Variants in LTBP3 observed in about 807,000 individuals in gnomAD.
LTBP3 encodes latent-transforming growth factor beta-binding protein 3.
In LTBP3, 97 loss-of-function variants were observed where a neutral mutation model predicts 159.7. That is an observed-to-expected ratio of 0.61 (90% CI 0.52 to 0.72). The LOEUF (loss-of-function observed/expected upper bound fraction) is 0.72. Among genes scored for constraint, LTBP3 ranks in the 30% least tolerant of loss-of-function variants. LTBP3 has a pLI of 0.00. For synonymous variants in LTBP3, 824 were observed against 777.1 expected (o/e 1.06, Z -1.00); for missense variants, 1,584 against 1,864.3 (o/e 0.85, Z 2.77).
In LTBP3 at chr11:65,554,283, G is replaced by T; in HGVS notation, c.429C>A (p.Pro143=). 1 of 1,611,146 alleles carries T rather than the reference G, an allele frequency of 6.2e-7. No individual in the cohort carries two copies. The highest frequency in any genetic ancestry group is 1.1e-5 in the South Asian group (1 of 90,952). Residue 143 remains proline, a synonymous_variant, in exon 2 of 28, where the codon CCC becomes CCA. Coordinates refer to ENST00000301873, the MANE Select transcript of LTBP3 (RefSeq NM_001130144.3). The surrounding 1 kb of genome is among the most constrained non-coding windows in gnomAD (Gnocchi z 5.3). ...PDFTGRFCQV[P]AGGAGGGTGG... The stretch of plus-strand genomic sequence containing the variant: ...CGGTACCCCCACCGGCTCCTCCTGC[G>T]GGCACCTGGCAGAAGCGCCCAGTGA...
In LTBP3 at chr11:65,554,384, G is replaced by A; in HGVS notation, c.332-4C>T. 6.2e-7 allele frequency: 1 copy of A among 1,609,766 alleles called. No homozygotes were observed. The highest frequency in any genetic ancestry group is 8.5e-7 in the Non-Finnish European group (1 of 1,178,460). ...ATGCAGGGGAGAGGGCACACCACTG[G>A]GGAGAAGAGTGGGGTCAGGCCCTCA... On this transcript the variant is annotated splice_polypyrimidine_tract_variant and splice_region_variant and intron_variant, in intron 1 of 27. Transcript: ENST00000301873. This position sits in a 1 kb window ranked among gnomAD's most constrained non-coding sequence, Gnocchi z 5.3.
At chr11:65,541,105 G>A in intron 20 of LTBP3, 21 bp downstream of exon 20, 1 of 1,608,894 alleles carries the variant, frequency 6.2e-7, no homozygotes, top group African/African-American at 1.3e-5. Flanking sequence ...GATCTGGGAA[G>A]GGGCCTGCCC....
At position 65,540,703 on chromosome 11, in the gene LTBP3, CGGGCGGGGCCTACAGGAG is replaced by C. The variant is rs147365999; in HGVS notation, c.2978-107_2978-90del. The C allele has an allele frequency of 1.9e-4, 235 of 1,244,208 alleles. 1 individual carries two copies. Among genetic ancestry groups the C allele is most frequent in the Non-Finnish European group, 2.5e-4 (216 of 872,936 alleles). 77.1% of individuals were successfully genotyped at this position (1,244,208 alleles called of 1,614,324 possible). ...CGCACCACCGGAGCGAAGCCATCCC[CGGGCGGGGCCTACAGGAG>C]GGGCGGGGCCTACAGGGCGGGGCCT... On this transcript the variant is annotated intron_variant, in intron 21 of 27. Coordinates refer to ENST00000301873, the MANE Select transcript of LTBP3 (RefSeq NM_001130144.3).
chr11:65,542,037 C>G (rs768243047), intron 18 of LTBP3: 5 of 362,418 alleles, frequency 1.4e-5, no homozygotes, highest in Non-Finnish European at 2.7e-5. Context: ...CTCTAGACCA[C>G]CCTCCACTCC....
Position 65,553,936 on chromosome 11 carries a change from C to G in LTBP3, c.662-33G>C, listed in dbSNP as rs1468898985. On this transcript the variant is annotated intron_variant, in intron 2 of 27. Coordinates refer to ENST00000301873, the MANE Select transcript of LTBP3 (RefSeq NM_001130144.3). This position sits in a 1 kb window ranked among gnomAD's most constrained non-coding sequence, Gnocchi z 6.5. The stretch of plus-strand genomic sequence containing the variant: ...CGGGCGCGGTGGCCTCAGGGCTGCC[C>G]GCACCGCGCCGCGGGTCACCGCGCT... The G allele has an allele frequency of 2.0e-6, 3 of 1,512,168 alleles. No homozygotes were observed. Among genetic ancestry groups the G allele is most frequent in the African/African-American group, 1.4e-5 (1 of 72,824 alleles). The allele number at this position is 1,512,168 out of a possible 1,614,324, so 93.7% of individuals were successfully genotyped here.
chr11:65,554,531 A>G lies in LTBP3; in HGVS notation c.332-151T>C. On this transcript the variant is annotated intron_variant, in intron 1 of 27. Coordinates refer to ENST00000301873, the MANE Select transcript of LTBP3 (RefSeq NM_001130144.3). This position sits in a 1 kb window ranked among gnomAD's most constrained non-coding sequence, Gnocchi z 5.3. ...GAAACTGCCCTCTCTAGGTTCCCCA[A>G]CATCCTTACACCTATGTTGGGTTCT... 1.6e-6 allele frequency: 1 copy of G among 625,022 alleles called. No homozygotes were observed. Among genetic ancestry groups the G allele is most frequent in the African/African-American group, 1.8e-5 (1 of 54,368 alleles). 38.7% of individuals were successfully genotyped at this position (625,022 alleles called of 1,614,324 possible). A position where few individuals can be genotyped will look rare whatever the true frequency, so the allele number is the denominator to read the frequency against.
Position 65,538,954 on chromosome 11 carries a change from C to T in LTBP3, c.*126G>A. On this transcript the variant is annotated 3_prime_UTR_variant, in exon 28 of 28. Coordinates refer to ENST00000301873, the MANE Select transcript of LTBP3 (RefSeq NM_001130144.3). ...TAGGGGCGCCTCGGGTCTCAAGGCG[C>T]CGGGAGGGTCTGCGGGCCCTGAAGG... is the stretch of plus-strand genomic sequence containing the variant. 7.6e-7 allele frequency: 1 copy of T among 1,314,232 alleles called. No individual in the cohort carries two copies. The highest frequency in any genetic ancestry group is 9.7e-7 in the Non-Finnish European group (1 of 1,033,010). 81.4% of individuals were successfully genotyped at this position (1,314,232 alleles called of 1,614,324 possible).
At chr11:65,542,927 TAGA>T (rs2135129604) in intron 18 of LTBP3, 175 bp downstream of exon 18, 2 of 842,478 alleles carry the variant, frequency 2.4e-6, no homozygotes, top group Non-Finnish European at 3.8e-6. Flanking sequence ...GATGGATGGA[TAGA>T]AGGATGGATG....
intron 1 of LTBP3, among the ~76,000 whole-genome samples, chr11:65,555,553 C>A (rs1476103549): frequency 1.3e-5 from 2 of 152,190 alleles, no homozygotes; most frequent in African/African-American, 4.8e-5. Flanking sequence ...CTGGCACCTG[C>A]TTGGCTATGT....
Position 65,539,808 on chromosome 11 carries a change from G to C in LTBP3, c.3459C>G (p.Ala1153=). The C allele has an allele frequency of 6.5e-7, 1 of 1,534,720 alleles. No individual in the cohort carries two copies. The change falls in exon 25 of 28, where the codon GCC becomes GCG. Residue 1153 remains alanine (A), a synonymous_variant. Transcript: ENST00000301873. ...AGTCGTCGAAGGTGAGGGCAGGCCC[G>C]GCCAGGGGGCCAGCGCACATGCCGT... The part of the protein sequence containing the change: ...GEDGMCAGPL[A]GPALTFDDCC...
rs752651905 is a variant in LTBP3 at position 65,539,611 on chromosome 11, A to C, written c.3565T>G (p.Ser1189Ala). The C allele has an allele frequency of 1.2e-6, 2 of 1,611,488 alleles. No homozygotes were observed. The highest frequency in any genetic ancestry group is 1.7e-6 in the Non-Finnish European group (2 of 1,179,060). The change falls in exon 26 of 28, where the codon TCG (serine) becomes GCG (alanine). Residue 1189 changes from serine (S) to alanine (A), a missense_variant. Around this residue, in one of 6 missense-constraint regions of LTBP3, gnomAD observed 514 missense variants for 530.3 expected, o/e 0.97. Transcript: ENST00000301873. ...PRGAGSHCPT[S>A]QSESNSFWDT... ...CAGAAGGAATTGCTCTCGCTCTGCG[A>C]TGTCGGGCAATGGGACCCTGGGAGG...
chr11:65,547,866 T>G lies in LTBP3; in HGVS notation c.1847-45A>C. The G allele has an allele frequency of 6.2e-7, 1 of 1,613,192 alleles. No individual in the cohort carries two copies. Among genetic ancestry groups the G allele is most frequent in the South Asian group, 1.1e-5 (1 of 91,074 alleles). On this transcript the variant is annotated intron_variant, in intron 12 of 27. Coordinates refer to ENST00000301873, the MANE Select transcript of LTBP3 (RefSeq NM_001130144.3). The surrounding 1 kb of genome is among the most constrained non-coding windows in gnomAD (Gnocchi z 4.6). ...CAAGAAAAGTCAAAGGAAGCGTCGT[T>G]ATCTGGGGTCCCCCCCCACCCACCT...
Position 65,549,698 on chromosome 11 carries a change from G to A in LTBP3, c.1720+1428C>T, listed in dbSNP as rs1219302828. The stretch of plus-strand genomic sequence containing the variant: ...CTCCCAAAGTGCTGAGATTACAGCC[G>A]TGAGCCACTGCACCCTGCCACAGTT... On this transcript the variant is annotated intron_variant, in intron 11 of 27. Transcript: ENST00000301873. Among the ~76,000 whole-genome samples the A allele has an allele frequency of 4.5e-5, 6 of 133,172 alleles. No individual in the cohort carries two copies. In the Middle Eastern group the frequency reaches 0.02, roughly 448 times the overall value. The allele number at this position is 133,172 out of a possible 152,430, so 87.4% of individuals were successfully genotyped here.
In LTBP3 at chr11:65,553,660, T is replaced by C. The variant is rs967967222; in HGVS notation, c.864+41A>G. The stretch of plus-strand genomic sequence containing the variant: ...CGAGTGAGTTGGGGCAGAGCAACCC[T>C]GAGAGAAGGAAAGGCAGATCCCGAC... On this transcript the variant is annotated intron_variant, in intron 3 of 27. Coordinates refer to ENST00000301873, the MANE Select transcript of LTBP3 (RefSeq NM_001130144.3). This position sits in a 1 kb window ranked among gnomAD's most constrained non-coding sequence, Gnocchi z 6.5. 3 of 1,549,472 alleles carry C rather than the reference T, an allele frequency of 1.9e-6. No individual in the cohort carries two copies. In the African/African-American group the frequency reaches 4.1e-5, roughly 21 times the overall value.
intron 18 of LTBP3, chr11:65,542,854 C>G (rs1038116508): frequency 1.9e-6 from 1 of 515,760 alleles, no homozygotes; most frequent in Non-Finnish European, 3.6e-6. Context: ...CATTGTTATT[C>G]TAGGTGAAAG....
Position 65,551,582 on chromosome 11 carries a change from G to T in LTBP3, c.1532-18C>A, listed in dbSNP as rs1188442697. On this transcript the variant is annotated intron_variant, in intron 8 of 27. Transcript: ENST00000301873. Reference sequence around the variant, plus strand: ...GGTCACCCCTAAAAGGGAAGAAGATGGGGCCATGAAGTGTTGGGGCGGGAG... The same window carrying T: ...GGTCACCCCTAAAAGGGAAGAAGATTGGGCCATGAAGTGTTGGGGCGGGAG... 1.2e-6 allele frequency: 2 copies of T among 1,613,834 alleles called. No individual in the cohort carries two copies. Among genetic ancestry groups the T allele is most frequent in the Admixed American group, 1.7e-5 (1 of 60,006 alleles).
In LTBP3 at chr11:65,539,086, G is replaced by A. The variant is rs1364041711; in HGVS notation, c.3906C>T (p.Arg1302=). Reference sequence around the variant, plus strand: ...GAGGGCGGCGTCGGCGGCGTCAGCGGCGGCGCTGGGGAACGCAGGCCCCGT... The same window carrying A: ...GAGGGCGGCGTCGGCGGCGTCAGCGACGGCGCTGGGGAACGCAGGCCCCGT... ...RPHGACVPQR[R]R is the part of the protein sequence containing the mutation. The change falls in exon 28 of 28, where the codon CGC becomes CGT. Residue 1302 remains arginine, a synonymous_variant. Coordinates refer to ENST00000301873, the MANE Select transcript of LTBP3 (RefSeq NM_001130144.3). 19 of 1,406,136 alleles carry A rather than the reference G, an allele frequency of 1.4e-5. No homozygotes were observed. The highest frequency in any genetic ancestry group is 1.6e-5 in the Non-Finnish European group (17 of 1,080,146). 87.1% of individuals were successfully genotyped at this position (1,406,136 alleles called of 1,614,324 possible).
Position 65,557,746 on chromosome 11 carries a change from T to C in LTBP3, c.214A>G (p.Lys72Glu). ...FKVVFAPVIC[K>E]RTCLKGQCRD... ...CACTGGCCCTTGAGACAGGTCCGCT[T>C]GCAGATCACCGGCGCAAAGACCACC... The change falls in exon 1 of 28, where the codon AAG (lysine) becomes GAG (glutamate). Residue 72 changes from lysine to glutamate, a missense_variant. Coordinates refer to ENST00000301873, the MANE Select transcript of LTBP3 (RefSeq NM_001130144.3). 1 of 1,605,812 alleles carries C rather than the reference T, an allele frequency of 6.2e-7. No individual in the cohort carries two copies. Among genetic ancestry groups the C allele is most frequent in the Non-Finnish European group, 8.5e-7 (1 of 1,179,784 alleles).
Position 65,546,020 on chromosome 11 carries a change from AT to A in LTBP3, c.2353+421del, listed in dbSNP as rs1439219301. ...AGATGACCCAGGCCTCCTTCCTCCC[AT>A]CCCGCTGTGTCTCCAGGAAGCAGCC... is the stretch of plus-strand genomic sequence containing the variant. On this transcript the variant is annotated intron_variant, in intron 16 of 27. Transcript: ENST00000301873. The surrounding 1 kb of genome is among the most constrained non-coding windows in gnomAD (Gnocchi z 4.0). Among the ~76,000 whole-genome samples the A allele has an allele frequency of 6.6e-6, 1 of 151,820 alleles. No homozygotes were observed. The highest frequency in any genetic ancestry group is 2.4e-5 in the African/African-American group (1 of 41,300).
Sources: allele counts gnomAD v4.1 joint callset (sites outside exome capture counted in the v4.1 genomes callset), GRCh38; gene constraint gnomAD v4.1.1; regional missense constraint gnomAD v4.1.1; non-coding constraint Gnocchi (gnomAD v3.1); transcripts MANE v1.5; gene names NCBI Gene and HGNC (gene_info 2026-07-23, HGNC 2026-07-21).